TNN: variants seen among roughly 807,000 people sequenced by gnomAD.
The protein encoded by TNN is tenascin N.
Under a neutral mutation model 134.4 loss-of-function variants are expected in TNN, and 122 were observed. The observed-to-expected ratio is 0.91, with a 90% CI of 0.78 to 1.06. TNN has a LOEUF of 1.06. Among genes scored for constraint, TNN ranks in the 50% least tolerant of loss-of-function variants. TNN has a pLI of 0.00. For missense variants in TNN, 1,739 were observed against 1,699.4 expected (o/e 1.02, Z -0.41); for synonymous variants, 710 against 670.3 (o/e 1.06, Z -0.91).
chr1:175,144,551 G>A lies in TNN; in HGVS notation c.3759+1G>A, dbSNP rs1182015538. 1.7e-5 allele frequency: 27 copies of A among 1,613,932 alleles called. No individual in the cohort carries two copies. The highest frequency in any genetic ancestry group is 2.2e-5 in the Non-Finnish European group (26 of 1,179,878). On this transcript the variant is annotated splice_donor_variant, in intron 18 of 18. Transcript: ENST00000239462. LOFTEE classifies it high-confidence loss of function. ...ATATGGGGAGACCAAGCACAGTGAG[G>A]TAGGTGACAGGTGAATGTCTTTTCT...
intron 11 of TNN, 83 bp downstream of exon 11, chr1:175,118,907 T>C: frequency 1.3e-6 from 2 of 1,557,264 alleles, no homozygotes; most frequent in Non-Finnish European, 1.7e-6. Flanking sequence ...CAGCTGCTTT[T>C]GGCATCTGTA....
intron 6 of TNN, 121 bp downstream of exon 6, chr1:175,085,615 C>T: frequency 1.4e-6 from 1 of 735,066 alleles, no homozygotes; most frequent in Non-Finnish European, 2.4e-6. Context: ...TGGCTCACGC[C>T]TGTAATCCCA....
chr1:175,077,794 T>A lies in TNN; in HGVS notation c.376T>A (p.Cys126Ser). The A allele has an allele frequency of 6.2e-7, 1 of 1,613,956 alleles. No individual in the cohort carries two copies. Among genetic ancestry groups the A allele is most frequent in the Non-Finnish European group, 8.5e-7 (1 of 1,179,864 alleles). The change falls in exon 2 of 19, where the codon TGT becomes AGT. Residue 126 changes from cysteine (C) to serine (S), a missense_variant. By Grantham distance (112) the Cys-to-Ser change is moderately radical. Transcript: ENST00000239462. ...EEEMVEMKEQ[C>S]SAQRCCQGVT... The stretch of plus-strand genomic sequence containing the variant: ...AGAGATGGTGGAGATGAAGGAACAG[T>A]GTAGTGCCCAGCGCTGCTGCCAGGG...
intron 12 of TNN, among the ~76,000 whole-genome samples, chr1:175,124,176 G>A (rs1284599755): frequency 1.3e-5 from 2 of 152,146 alleles, no homozygotes; most frequent in African/African-American, 4.8e-5. Context: ...CCACCCTGAG[G>A]TCTATGAGCC....
At chr1:175,141,244 T>C (rs1199070159) in intron 17 of TNN, among the ~76,000 whole-genome samples, 1 of 152,222 alleles carries the variant, frequency 6.6e-6, no homozygotes, top group Non-Finnish European at 1.5e-5. Context: ...ATTAAGATGT[T>C]ATTCATCTAT....
chr1:175,120,938 C>T (rs532012021), intron 11 of TNN, among the ~76,000 whole-genome samples: 5 of 152,124 alleles, frequency 3.3e-5, no homozygotes, highest in African/African-American at 4.8e-5. Context: ...GTAGCTGGGA[C>T]CATAGGCACG....
intron 5 of TNN, among the ~76,000 whole-genome samples, chr1:175,084,546 A>T (rs1674281074): frequency 6.6e-6 from 1 of 152,200 alleles, no homozygotes; most frequent in Non-Finnish European, 1.5e-5. Context: ...TAAGAAAAGT[A>T]ATACGCAATC....
rs201289158 is a variant in TNN, at chr1:175,082,983, GT to G, written c.1049-754del. Among the ~76,000 whole-genome samples, 1,261 of 144,650 alleles carry G rather than the reference GT, an allele frequency of 8.7e-3. 10 individuals carry two copies. The highest frequency in any genetic ancestry group is 0.024 in the African/African-American group (941 of 39,364). 94.9% of individuals were successfully genotyped at this position (144,650 alleles called of 152,430 possible). On this transcript the variant is annotated intron_variant, in intron 4 of 18. Coordinates refer to ENST00000239462, the MANE Select transcript of TNN (RefSeq NM_022093.2). ...TTTGTATTAATCACTGTAACTTCAT[GT>G]TTTTTTTTTTTTCTGAGTAGAAGAG...
rs1429776904 is a variant in TNN at position 175,147,437 on chromosome 1, C to T, written c.*366C>T. 3 of 170,790 alleles carry T rather than the reference C, an allele frequency of 1.8e-5. No homozygotes were observed. Among genetic ancestry groups the T allele is most frequent in the Non-Finnish European group, 3.7e-5 (3 of 80,774 alleles). The allele number at this position is 170,790 out of a possible 1,614,324, so 10.6% of individuals were successfully genotyped here. On this transcript the variant is annotated 3_prime_UTR_variant, in exon 19 of 19. Transcript: ENST00000239462. The stretch of plus-strand genomic sequence containing the variant: ...CTATGTATTTAAAGTTCTGCTAATG[C>T]AAATCTTTTCTCTGGAAAGAAGCAC...
At chr1:175,079,881 A>G (rs1406052295) in intron 3 of TNN, among the ~76,000 whole-genome samples, 174 bp downstream of exon 3, 1 of 152,146 alleles carries the variant, frequency 6.6e-6, no homozygotes, top group South Asian at 2.1e-4. Flanking sequence ...TTGCATTTCT[A>G]ACAAGTTCCC....
chr1:175,141,871 T>C (rs149690127), intron 17 of TNN, among the ~76,000 whole-genome samples: 2 of 152,330 alleles, frequency 1.3e-5, no homozygotes, highest in East Asian at 1.9e-4. Context: ...CTTCAGTTTC[T>C]AGAAGGTAGA....
chr1:175,126,570 C>T (rs1675533238), intron 12 of TNN, among the ~76,000 whole-genome samples: 1 of 152,176 alleles, frequency 6.6e-6, no homozygotes, highest in Non-Finnish European at 1.5e-5. Context: ...ACCCTGGTTT[C>T]TTTGTGCATG....
intron 10 of TNN, 41 bp downstream of exon 10, chr1:175,117,246 C>T (rs1310474350): frequency 6.2e-7 from 1 of 1,600,160 alleles, no homozygotes; most frequent in Admixed American, 1.8e-5. Flanking sequence ...AGCTTTCATG[C>T]TAAGTCAGTG....
chr1:175,136,082 T>C, intron 16 of TNN, 141 bp downstream of exon 16: 1 of 634,496 alleles, frequency 1.6e-6, no homozygotes, highest in African/African-American at 1.8e-5. Context: ...CCGAGCAGGG[T>C]GTTGGTGGGC....
intron 5 of TNN, among the ~76,000 whole-genome samples, chr1:175,084,850 G>A (rs1403629343): frequency 1.3e-5 from 2 of 152,168 alleles, no homozygotes; most frequent in Admixed American, 1.3e-4. Context: ...AAAAGGGCTG[G>A]GCATAATGGC....
rs1006562004 is a variant in TNN, at chr1:175,129,202, G to A, written c.3330+456G>A. Among the ~76,000 whole-genome samples the A allele has an allele frequency of 4.6e-5, 7 of 152,160 alleles. No individual in the cohort carries two copies. In the South Asian group the frequency reaches 8.3e-4, roughly 18 times the overall value. On this transcript the variant is annotated intron_variant, in intron 15 of 18. Transcript: ENST00000239462. Reference sequence around the variant, plus strand: ...TTAATTTTCTTAATTACTATATTTTGCGAGAATCAATATTATTATATTTAA... The same window carrying A: ...TTAATTTTCTTAATTACTATATTTTACGAGAATCAATATTATTATATTTAA...
chr1:175,122,497 T>C (rs1675405399), intron 11 of TNN, among the ~76,000 whole-genome samples: 1 of 25,390 alleles, frequency 3.9e-5, no homozygotes. Context: ...GTTAGGAAAA[T>C]CAAGGGAGTA....
intron 17 of TNN, among the ~76,000 whole-genome samples, chr1:175,139,906 T>G (rs928236298): frequency 6.6e-6 from 1 of 152,240 alleles, no homozygotes; most frequent in African/African-American, 2.4e-5. Context: ...CCTTGTTAAC[T>G]GAAATGTTCT....
chr1:175,097,071 G>T (rs1293505583), intron 7 of TNN, among the ~76,000 whole-genome samples: 1 of 152,222 alleles, frequency 6.6e-6, no homozygotes, highest in Non-Finnish European at 1.5e-5. Flanking sequence ...TTGCTTTCTA[G>T]TACAAGGAGT....
Sources: allele counts gnomAD v4.1 joint callset (sites outside exome capture counted in the v4.1 genomes callset), GRCh38; gene constraint gnomAD v4.1.1; transcripts MANE v1.5; gene names NCBI Gene and HGNC (gene_info 2026-07-23, HGNC 2026-07-21).